ECH1: variants seen among roughly 807,000 people sequenced by gnomAD.
ECH1 encodes enoyl-CoA hydratase 1.
A neutral mutation model predicts 37.0 loss-of-function variants in ECH1; 30 were observed. The ratio of observed to expected loss-of-function variants is 0.81; its 90% CI spans 0.61 to 1.10. The LOEUF is 1.10. Ranked by LOEUF, ECH1 falls within the 50% of genes least tolerant of loss-of-function variation. The pLI is 0.00. For synonymous variants in ECH1, 178 were observed against 176.0 expected (o/e 1.01, Z -0.09); for missense variants, 456 against 441.6 (o/e 1.03, Z -0.29).
At chr19:38,822,873 A>C (rs1268709305) in intron 3 of ECH1, 1 of 152,654 alleles carries the variant, frequency 6.6e-6, no homozygotes, top group Non-Finnish European at 1.5e-5. Flanking sequence ...CATGCTATGG[A>C]AGCTCTGTTC....
At chr19:38,819,678 G>A (rs972566966) in intron 3 of ECH1, among the ~76,000 whole-genome samples, 1 of 152,114 alleles carries the variant, frequency 6.6e-6, no homozygotes, top group Non-Finnish European at 1.5e-5. Context: ...GGGCGTAGTG[G>A]CTCACACCTG....
rs149531549 is a variant in ECH1, at chr19:38,815,897, T to C, written c.842A>G (p.Tyr281Cys). The C allele has an allele frequency of 8.7e-6, 14 of 1,614,202 alleles. No individual in the cohort carries two copies. The highest frequency in any genetic ancestry group is 3.3e-5 in the South Asian group (3 of 91,090). ...AVQSTKVNLL[Y>C]SRDHSVAESL... is the part of the protein sequence containing the mutation. The stretch of plus-strand genomic sequence containing the variant: ...CTCGGCCACCGAATGGTCGCGGGAA[T>C]ACAGCAGGTTGACCTTGGTGCTCTG... The change falls in exon 9 of 10, where the codon TAT (tyrosine) becomes TGT (cysteine). Residue 281 changes from tyrosine to cysteine, a missense_variant. Tyr to Cys is a radical substitution (Grantham distance 194, BLOSUM62 -2). Transcript: ENST00000221418.
At chr19:38,816,051 C>T in intron 8 of ECH1, 44 bp from the exon 9 acceptor site, 1 of 1,608,116 alleles carries the variant, frequency 6.2e-7, no homozygotes, top group Non-Finnish European at 8.5e-7. Flanking sequence ...GGGAAGGGCT[C>T]TCTCCTCCAG....
chr19:38,831,721 G>T lies in ECH1; in HGVS notation c.52C>A (p.Arg18=). The T allele has an allele frequency of 6.2e-7, 1 of 1,613,700 alleles. No individual in the cohort carries two copies. Among genetic ancestry groups the T allele is most frequent in the South Asian group, 1.1e-5 (1 of 90,978 alleles). Residue 18 remains arginine, a splice_region_variant and synonymous_variant, in exon 1 of 10, where the codon CGA becomes AGA. Coordinates refer to ENST00000221418, the MANE Select transcript of ECH1 (RefSeq NM_001398.3). ...SRRLRDLLTR[R]LTGSNYPGLS... ...CCCCATAAGGCAAGAGGTGACTCAC[G>T]CCGGGTCAGTAGGTCGCGGAGTCTG...
At chr19:38,827,574 G>C (rs1291422433) in intron 3 of ECH1, among the ~76,000 whole-genome samples, 2 of 152,120 alleles carry the variant, frequency 1.3e-5, no homozygotes, top group Admixed American at 1.3e-4. Context: ...GGGAAGTGAG[G>C]GGGGATATTC....
chr19:38,822,280 TG>T (rs1568359059), intron 3 of ECH1, among the ~76,000 whole-genome samples: 3 of 152,040 alleles, frequency 2.0e-5, no homozygotes, highest in Non-Finnish European at 2.9e-5. Context: ...CAGCACCCTG[TG>T]TCTAGCTCAA....
chr19:38,827,564 G>A (rs999748225), intron 3 of ECH1, among the ~76,000 whole-genome samples: 15 of 152,130 alleles, frequency 9.9e-5, no homozygotes, highest in African/African-American at 3.1e-4. Context: ...CAAAGCTGCC[G>A]GGAAGTGAGG....
At position 38,831,785 on chromosome 19, in the gene ECH1, C is replaced by T. The variant is rs747455186; in HGVS notation, c.-13G>A. 3.1e-6 allele frequency: 5 copies of T among 1,612,510 alleles called. No homozygotes were observed. The highest frequency in any genetic ancestry group is 1.7e-5 in the Admixed American group (1 of 59,854). On this transcript the variant is annotated 5_prime_UTR_variant, in exon 1 of 10. Transcript: ENST00000221418. ...TCCCCGCCGCCATCGCCGCCGCCTT[C>T]GTCTACTGCGTTCGGACGGAGTAAC...
In ECH1 at chr19:38,817,075, A is replaced by G. The variant is rs1276559223; in HGVS notation, c.578T>C (p.Phe193Ser). Residue 193 changes from phenylalanine (F) to serine (S), a missense_variant, in exon 6 of 10, where the codon TTC becomes TCC. Physicochemically the swap from Phe to Ser is radical, Grantham distance 155. Transcript: ENST00000221418. ...GGGAGGATGACTCACCTTCACCTGG[A>G]AGAAAGCATCCTGGGCACAGTACCG... is the stretch of plus-strand genomic sequence containing the variant. ...DIRYCAQDAF[F>S]QVKEVDVGLA... 3.2e-6 allele frequency: 5 copies of G among 1,573,052 alleles called. No homozygotes were observed. Among genetic ancestry groups the G allele is most frequent in the Admixed American group, 1.8e-5 (1 of 54,266 alleles).
At chr19:38,831,056 G>T in intron 3 of ECH1, 22 bp downstream of exon 3, 2 of 1,608,896 alleles carry the variant, frequency 1.2e-6, no homozygotes, top group Non-Finnish European at 1.7e-6. Flanking sequence ...GGCTGGCAGG[G>T]TGTGTGAAGA....
chr19:38,815,664 C>T lies in ECH1; in HGVS notation c.936G>A (p.Gln312=). 1 of 1,614,190 alleles carries T rather than the reference C, an allele frequency of 6.2e-7. No individual in the cohort carries two copies. The highest frequency in any genetic ancestry group is 8.5e-7 in the Non-Finnish European group (1 of 1,180,042). The change falls in exon 10 of 10, where the codon CAG becomes CAA. Residue 312 remains glutamine (Q), a synonymous_variant. Transcript: ENST00000221418. ...LQTQDLVKSV[Q]ATTENKELKT... Reference sequence around the variant, plus strand: ...TCAGTTCCTTGTTCTCAGTCGTGGCCTGGACCGACTTCACGAGGTCTTGGG... The same window carrying T: ...TCAGTTCCTTGTTCTCAGTCGTGGCTTGGACCGACTTCACGAGGTCTTGGG...
In ECH1 at chr19:38,815,725, C is replaced by T; in HGVS notation, c.883-8G>A. The T allele has an allele frequency of 6.2e-7, 1 of 1,614,000 alleles. No homozygotes were observed. Among genetic ancestry groups the T allele is most frequent in the Non-Finnish European group, 8.5e-7 (1 of 1,179,966 alleles). On this transcript the variant is annotated splice_region_variant and splice_polypyrimidine_tract_variant and intron_variant, in intron 9 of 9. Transcript: ENST00000221418. ...GCTCATGTTCCAGGACGCCTGGTAC[C>T]GAGGGTGTTGAGAGAGAACGAGGAG...
chr19:38,830,971 A>AT, intron 3 of ECH1, 107 bp downstream of exon 3: 1 of 971,530 alleles, frequency 1.0e-6, no homozygotes, highest in Non-Finnish European at 1.5e-6. Flanking sequence ...AAAAAAAAAA[A>AT]GTGTGTAAGT....
Position 38,815,666 on chromosome 19 carries a change from G to A in ECH1, c.934C>T (p.Gln312Ter), listed in dbSNP as rs777540153. 1.9e-6 allele frequency: 3 copies of A among 1,614,198 alleles called. No homozygotes were observed. Among genetic ancestry groups the A allele is most frequent in the African/African-American group, 2.7e-5 (2 of 75,064 alleles). Residue 312 changes from glutamine (Q) to a stop codon, truncating the protein, a stop_gained, in exon 10 of 10, where the codon CAG becomes TAG. Transcript: ENST00000221418. LOFTEE classifies it high-confidence loss of function. ...AGTTCCTTGTTCTCAGTCGTGGCCTGGACCGACTTCACGAGGTCTTGGGTC... is the reference window on the plus strand; with the variant it reads ...AGTTCCTTGTTCTCAGTCGTGGCCTAGACCGACTTCACGAGGTCTTGGGTC... ...LQTQDLVKSV[Q>*]ATTENKELKT...
intron 3 of ECH1, among the ~76,000 whole-genome samples, chr19:38,829,329 C>T (rs1039201658): frequency 4.1e-5 from 6 of 148,096 alleles, no homozygotes; most frequent in African/African-American, 1.2e-4. Flanking sequence ...GGCCTGGTGG[C>T]GGGCATCTGT....
At position 38,831,303 on chromosome 19, in the gene ECH1, TCAGACCTC is replaced by T; in HGVS notation, c.258_260+5del. The T allele has an allele frequency of 6.2e-7, 1 of 1,608,988 alleles. No individual in the cohort carries two copies. Reference sequence around the variant, plus strand: ...CAGGCAGGCCTCCAGGATCTGCAGGTCAGACCTCCAGAAGACCTTGTTCATGGCATTCC... The same window carrying T: ...CAGGCAGGCCTCCAGGATCTGCAGGTCAGAAGACCTTGTTCATGGCATTCC... On this transcript the variant is annotated splice_donor_variant and splice_donor_5th_base_variant and coding_sequence_variant and intron_variant, in exon 2 of 10. Coordinates refer to ENST00000221418, the MANE Select transcript of ECH1 (RefSeq NM_001398.3). LOFTEE classifies it high-confidence loss of function.
intron 3 of ECH1, 40 bp from the exon 4 acceptor site, chr19:38,817,615 G>A: frequency 6.4e-7 from 1 of 1,554,160 alleles, no homozygotes; most frequent in Non-Finnish European, 8.8e-7. Context: ...AGGCTCCCAG[G>A]CCCCACCCAT....
At position 38,831,148 on chromosome 19, in the gene ECH1, G is replaced by C; in HGVS notation, c.279C>G (p.Phe93Leu). The C allele has an allele frequency of 6.2e-7, 1 of 1,614,098 alleles. No individual in the cohort carries two copies. Among genetic ancestry groups the C allele is most frequent in the Non-Finnish European group, 8.5e-7 (1 of 1,180,026 alleles). The change falls in exon 3 of 10, where the codon TTC (phenylalanine) becomes TTG (leucine). Residue 93 changes from phenylalanine to leucine, a missense_variant. Physicochemically the swap from Phe to Leu is conservative, Grantham distance 22. Coordinates refer to ENST00000221418, the MANE Select transcript of ECH1 (RefSeq NM_001398.3). ...KVFWREMVEC[F>L]NKISRDADCR... ...AGTCAGCGTCTCTCGAAATCTTGTT[G>C]AAGCACTCTACCATCTCTCTGTGAA...
intron 3 of ECH1, among the ~76,000 whole-genome samples, chr19:38,828,084 C>A (rs951693942): frequency 6.6e-6 from 1 of 152,094 alleles, no homozygotes; most frequent in Non-Finnish European, 1.5e-5. Flanking sequence ...ACCAAAAAAA[C>A]TAATTCCAAC....
Sources: allele counts gnomAD v4.1 joint callset (sites outside exome capture counted in the v4.1 genomes callset), GRCh38; gene constraint gnomAD v4.1.1; transcripts MANE v1.5; gene names NCBI Gene and HGNC (gene_info 2026-07-23, HGNC 2026-07-21).